Variants in OPN5 observed in about 807,000 individuals in gnomAD.
OPN5 encodes the protein opsin-5.
In OPN5, 18 loss-of-function variants were observed where a neutral mutation model predicts 41.7. That is an observed-to-expected ratio of 0.43 (90% CI 0.30 to 0.64). OPN5 has a LOEUF of 0.64. Among genes scored for constraint, OPN5 ranks in the 30% least tolerant of loss-of-function variants. The probability of loss-of-function intolerance (pLI) is 0.13; values close to 1 mark genes in which losing one functional copy is unlikely to be tolerated. For synonymous variants in OPN5, 178 were observed against 164.3 expected (o/e 1.08, Z -0.64); for missense variants, 318 against 434.5 (o/e 0.73, Z 2.38).
chr6:47,816,213 T>C (rs184194743), intron 6 of OPN5, among the ~76,000 whole-genome samples: 16 of 152,268 alleles, frequency 1.1e-4, no homozygotes, highest in Non-Finnish European at 1.9e-4. Flanking sequence ...ATGGGGAGGA[T>C]GTGTTTTTAG....
At chr6:47,792,625 A>T (rs1160171816) in intron 3 of OPN5, among the ~76,000 whole-genome samples, 1 of 152,208 alleles carries the variant, frequency 6.6e-6, no homozygotes, top group Admixed American at 6.5e-5. Context: ...AATAATTTCT[A>T]CTACATTTGT....
chr6:47,790,490 A>ATATAAT (rs1218541352), intron 2 of OPN5, among the ~76,000 whole-genome samples: 1 of 152,172 alleles, frequency 6.6e-6, no homozygotes, highest in African/African-American at 2.4e-5. Context: ...TTGCTGGGCT[A>ATATAAT]TATAATTATC....
chr6:47,788,358 G>T (rs960275168), intron 2 of OPN5, among the ~76,000 whole-genome samples: 1 of 152,208 alleles, frequency 6.6e-6, no homozygotes, highest in African/African-American at 2.4e-5. Flanking sequence ...CTTCATCGGT[G>T]AATAATAGCA....
intron 3 of OPN5, chr6:47,793,879 T>G (rs1171544723): frequency 1.8e-6 from 1 of 562,262 alleles, no homozygotes; most frequent in Non-Finnish European, 2.3e-6. Flanking sequence ...TTTTATCAGT[T>G]TTAGTGGAGA....
chr6:47,782,121 C>A, exon 1 of OPN5: 2 of 1,612,296 alleles, frequency 1.2e-6, no homozygotes. Context: ...CCATTACCTT[C>A]GAGATGGGGA....
At chr6:47,819,958 T>C (rs1225706772) in intron 6 of OPN5, among the ~76,000 whole-genome samples, 3 of 152,212 alleles carry the variant, frequency 2.0e-5, no homozygotes, top group Non-Finnish European at 4.4e-5. Flanking sequence ...ATGCCAAGGA[T>C]TGTTTTTATG....
chr6:47,818,598 G>T (rs999185304), intron 6 of OPN5, among the ~76,000 whole-genome samples: 29 of 152,270 alleles, frequency 1.9e-4, no homozygotes, highest in South Asian at 2.1e-4. Context: ...CACAGATGAG[G>T]CTCTTAGCTC....
intron 6 of OPN5, among the ~76,000 whole-genome samples, chr6:47,822,783 G>GT (rs1378727824): frequency 2.6e-5 from 4 of 152,114 alleles, no homozygotes; most frequent in East Asian, 1.9e-4. Context: ...ATCATTACAG[G>GT]TTTTTTTATA....
intron 1 of OPN5, among the ~76,000 whole-genome samples, chr6:47,784,583 CCACCGCG>C (rs1384884467): frequency 2.6e-5 from 4 of 152,084 alleles, no homozygotes; most frequent in African/African-American, 9.7e-5. Flanking sequence ...CAGGCGTGAG[CCACCGCG>C]CCTGGCCAAG....
intron 6 of OPN5, among the ~76,000 whole-genome samples, chr6:47,815,393 CAAAGG>C (rs1034624167): frequency 3.3e-5 from 5 of 151,764 alleles, no homozygotes; most frequent in Non-Finnish European, 7.4e-5. Context: ...GGAGAAAAGA[CAAAGG>C]AAAGGAGAGG....
chr6:47,793,443 A>G (rs1773448356), intron 3 of OPN5, among the ~76,000 whole-genome samples: 1 of 152,164 alleles, frequency 6.6e-6, no homozygotes, highest in Non-Finnish European at 1.5e-5. Context: ...AGCGTCCCAG[A>G]ATGTTGGAAT....
intron 6 of OPN5, among the ~76,000 whole-genome samples, chr6:47,813,629 T>C (rs945414163): frequency 2.0e-5 from 3 of 152,052 alleles, no homozygotes; most frequent in African/African-American, 7.2e-5. Flanking sequence ...CTGGTGGCAG[T>C]GTGGAAGGTG....
intron 1 of OPN5, among the ~76,000 whole-genome samples, chr6:47,783,048 A>G (rs1196686970): frequency 6.6e-6 from 1 of 152,000 alleles, no homozygotes; most frequent in Non-Finnish European, 1.5e-5. Flanking sequence ...TAAATTTTAA[A>G]TTTATAAATT....
At chr6:47,800,271 T>C (rs944076812) in intron 4 of OPN5, among the ~76,000 whole-genome samples, 5 of 152,088 alleles carry the variant, frequency 3.3e-5, no homozygotes, top group Admixed American at 2.0e-4. Context: ...CCAAAGTTTG[T>C]AAGTGAGGGG....
intron 3 of OPN5, 184 bp from the exon 4 acceptor site, chr6:47,795,045 G>A (rs756271367): frequency 1.9e-6 from 1 of 532,710 alleles, no homozygotes; most frequent in Non-Finnish European, 3.3e-6. Flanking sequence ...TGTTCTCCTG[G>A]AGAAAGGCCC....
chr6:47,813,100 ACAACAACAACAAC>A lies in OPN5; in HGVS notation c.1056+1370_1056+1382del, dbSNP rs748450419. Reference sequence around the variant, plus strand: ...AACAACAACAACAACAACAACAACAACAACAACAACAACAAGCAACAACTCTGCTTGGGGCTTA... The same window carrying A: ...AACAACAACAACAACAACAACAACAAAAGCAACAACTCTGCTTGGGGCTTA... On this transcript the variant is annotated intron_variant, in intron 6 of 6. Transcript: ENST00000371211. 5.5e-3 allele frequency among the ~76,000 whole-genome samples: 650 copies of A among 118,732 alleles called. 5 individuals are homozygous for A. Among genetic ancestry groups the A allele is most frequent in the African/African-American group, 0.015 (561 of 36,698 alleles). 77.9% of individuals were successfully genotyped at this position (118,732 alleles called of 152,430 possible).
At chr6:47,793,151 A>G (rs768332305) in intron 3 of OPN5, among the ~76,000 whole-genome samples, 8 of 152,130 alleles carry the variant, frequency 5.3e-5, no homozygotes, top group Non-Finnish European at 8.8e-5. Context: ...GTTCATACCA[A>G]AGAGATTTTA....
chr6:47,795,092 CT>C, intron 3 of OPN5, 136 bp from the exon 4 acceptor site: 1 of 689,444 alleles, frequency 1.5e-6, no homozygotes, highest in East Asian at 2.7e-5. Context: ...TCCACTCTCC[CT>C]CAGGCTTCAG....
At chr6:47,824,185 A>C (rs564774545) in exon 7 of OPN5, 5 of 598,512 alleles carry the variant, frequency 8.4e-6, no homozygotes, top group Non-Finnish European at 1.5e-5. Flanking sequence ...TAACTGAGTT[A>C]TCTCATTCTG....
Sources: gnomAD v4.1 joint callset for allele counts (sites outside exome capture counted in the v4.1 genomes callset) on GRCh38, gnomAD v4.1.1 for gene constraint, MANE v1.5 for transcripts, NCBI Gene and HGNC (gene_info 2026-07-23, HGNC 2026-07-21) for gene names.